BICRAL: variants seen among roughly 807,000 people sequenced by gnomAD.
BICRAL encodes BRD4-interacting chromatin-remodeling complex-associated protein-like.
In BICRAL, 8 loss-of-function variants were observed where a neutral mutation model predicts 91.8. The observed-to-expected ratio is 0.09, with a 90% CI of 0.05 to 0.16. The LOEUF is 0.16. BICRAL is among the 10% of genes least tolerant of loss of function. BICRAL has a pLI of 1.00. For synonymous variants in BICRAL, 445 were observed against 491.1 expected, an observed-to-expected ratio of 0.91 and a Z score of 1.24; for missense variants, 1,038 against 1,310.9, an observed-to-expected ratio of 0.79 and a Z score of 3.21.
intron 1 of BICRAL, among the ~76,000 whole-genome samples, chr6:42,809,932 G>A (rs566789302): frequency 6.6e-6 from 1 of 151,976 alleles, no homozygotes; most frequent in Non-Finnish European, 1.5e-5. Context: ...GATTATAGGC[G>A]TGTGCCACCA....
chr6:42,857,614 A>ATATATAT (rs1554283187), intron 10 of BICRAL, among the ~76,000 whole-genome samples: 74 of 96,184 alleles, frequency 7.7e-4, no homozygotes, highest in Non-Finnish European at 1.2e-3. Context: ...AAAAAAAAAA[A>ATATATAT]ATATATATAT....
intron 1 of BICRAL, among the ~76,000 whole-genome samples, chr6:42,808,148 TA>T (rs1026114142): frequency 1.3e-5 from 2 of 151,284 alleles, no homozygotes; most frequent in East Asian, 3.9e-4. Context: ...TTTTTTTTTT[TA>T]ATACGGAGTT....
intron 1 of BICRAL, among the ~76,000 whole-genome samples, chr6:42,802,794 T>C (rs923053272): frequency 6.6e-6 from 1 of 151,962 alleles, no homozygotes; most frequent in African/African-American, 2.4e-5. Flanking sequence ...TTGCCCAGAC[T>C]GGTCTTGAAC....
chr6:42,783,389 TTC>T (rs1183377875), intron 1 of BICRAL, among the ~76,000 whole-genome samples: 1 of 152,076 alleles, frequency 6.6e-6, no homozygotes, highest in Non-Finnish European at 1.5e-5. Flanking sequence ...CGTTATGCTG[TTC>T]GCGCCCCCCC....
intron 9 of BICRAL, 48 bp from the exon 10 acceptor site, chr6:42,857,043 A>T (rs761007328): frequency 6.6e-7 from 1 of 1,507,960 alleles, no homozygotes; most frequent in South Asian, 1.2e-5. Context: ...ACTAGATTTA[A>T]TTTCCTAACA....
At chr6:42,747,810 T>G (rs113301406) in intron 1 of BICRAL, among the ~76,000 whole-genome samples, 26 of 146,484 alleles carry the variant, frequency 1.8e-4, no homozygotes, top group African/African-American at 4.4e-4. Context: ...ATTTTGTTTT[T>G]TTTTTTTTTT....
intron 2 of BICRAL, among the ~76,000 whole-genome samples, chr6:42,816,347 C>T (rs1763995071): frequency 6.7e-6 from 1 of 149,630 alleles, no homozygotes; most frequent in Admixed American, 6.7e-5. Flanking sequence ...AACCCTGTCT[C>T]TTCAAAAAAA....
intron 1 of BICRAL, among the ~76,000 whole-genome samples, chr6:42,791,497 C>A (rs1255111744): frequency 6.6e-6 from 1 of 152,012 alleles, no homozygotes; most frequent in Non-Finnish European, 1.5e-5. Context: ...CACTTTTTTT[C>A]ATTAGGAGTT....
intron 1 of BICRAL, among the ~76,000 whole-genome samples, chr6:42,789,299 G>A (rs961024530): frequency 1.3e-5 from 2 of 151,894 alleles, no homozygotes; most frequent in African/African-American, 4.8e-5. Flanking sequence ...TCCCAATCCT[G>A]GAAAAAAATG....
intron 2 of BICRAL, among the ~76,000 whole-genome samples, chr6:42,816,112 A>G (rs1763987603): frequency 1.3e-5 from 2 of 151,846 alleles, no homozygotes; most frequent in African/African-American, 2.4e-5. Flanking sequence ...TAATCCCAGC[A>G]CTTTAGGAGA....
In BICRAL at chr6:42,822,949, G is replaced by A. The variant is rs758834669; in HGVS notation, c.105G>A (p.Leu35=). Residue 35 remains leucine (L), a synonymous_variant, in exon 5 of 13, where the codon TTG becomes TTA. Transcript: ENST00000314073. Reference sequence around the variant, plus strand: ...TATCTTTGCAGAGCAATGATGACTTGACTAATGCAGGATATTCTGCAGCCA... The same window carrying A: ...TATCTTTGCAGAGCAATGATGACTTAACTAATGCAGGATATTCTGCAGCCA... ...GPSNKSSNDD[L]TNAGYSAANS... The A allele has an allele frequency of 2.3e-5, 37 of 1,610,790 alleles. No individual in the cohort carries two copies. The highest frequency in any genetic ancestry group is 3.1e-5 in the Non-Finnish European group (36 of 1,177,292).
Position 42,854,503 on chromosome 6 carries a change from G to GTTTTGT in BICRAL, c.2046+787_2046+792dup, listed in dbSNP as rs529768161. On this transcript the variant is annotated intron_variant, in intron 8 of 12. Coordinates refer to ENST00000314073, the MANE Select transcript of BICRAL (RefSeq NM_001393499.1). ...CCTGTCTAGTCCAGCTGGGTTTTTT[G>GTTTTGT]TTTTGTTTTTGTTTTTGTTTTTGTT... is the stretch of plus-strand genomic sequence containing the variant. Among the ~76,000 whole-genome samples, 414 of 151,724 alleles carry GTTTTGT rather than the reference G, an allele frequency of 2.7e-3. 5 individuals are homozygous for GTTTTGT. The highest frequency in any genetic ancestry group is 2.2e-3 in the Non-Finnish European group (146 of 67,778).
chr6:42,768,894 C>T lies in BICRAL; in HGVS notation c.-260-12945C>T, dbSNP rs182984157. On this transcript the variant is annotated intron_variant, in intron 1 of 14. Coordinates refer to the BICRAL transcript ENST00000614467. ...TAATGGCCCAGGTTGGGTCAGATGTCGTTCTCTAAGCAGGCTAAAGATGTG... is the reference window on the plus strand; with the variant it reads ...TAATGGCCCAGGTTGGGTCAGATGTTGTTCTCTAAGCAGGCTAAAGATGTG... 4.2e-4 allele frequency among the ~76,000 whole-genome samples: 64 copies of T among 152,230 alleles called. No individual in the cohort carries two copies. The East Asian group carries it at 5.4e-3, about 13-fold the overall frequency.
At chr6:42,823,714 G>C (rs1764208940) in intron 5 of BICRAL, among the ~76,000 whole-genome samples, 1 of 151,896 alleles carries the variant, frequency 6.6e-6, no homozygotes, top group Admixed American at 6.6e-5. Flanking sequence ...ACGAGGTCAG[G>C]AGTTAAAGAT....
intron 1 of BICRAL, among the ~76,000 whole-genome samples, chr6:42,783,934 G>A (rs1467362587): frequency 6.6e-6 from 1 of 152,126 alleles, no homozygotes; most frequent in Non-Finnish European, 1.5e-5. Context: ...TAATTCTTCA[G>A]TTATTGAAAG....
chr6:42,779,993 T>C (rs532249698), upstream of BICRAL, among the ~76,000 whole-genome samples: 4 of 152,234 alleles, frequency 2.6e-5, no homozygotes, highest in African/African-American at 7.2e-5. Flanking sequence ...CTCCAACTTA[T>C]GGGCTCAAGC....
Position 42,830,071 on chromosome 6 carries a change from C to T in BICRAL, c.1738C>T (p.Pro580Ser), listed in dbSNP as rs774334662. 6.2e-7 allele frequency: 1 copy of T among 1,614,150 alleles called. No individual in the cohort carries two copies. The highest frequency in any genetic ancestry group is 1.7e-5 in the Admixed American group (1 of 60,018). ...GACCCAGCCAAACAGGACTCCAGTA[C>T]CAGTCAGTGTGTCTCATCGTCTTCC... ...QLTQPNRTPV[P>S]VSVSHRLPVS... The change falls in exon 6 of 13, where the codon CCA (proline) becomes TCA (serine). Residue 580 changes from proline (P) to serine (S), a missense_variant. Coordinates refer to ENST00000314073, the MANE Select transcript of BICRAL (RefSeq NM_001393499.1).
intron 6 of BICRAL, among the ~76,000 whole-genome samples, chr6:42,841,033 C>G (rs1191576457): frequency 7.3e-6 from 1 of 137,714 alleles, no homozygotes; most frequent in African/African-American, 2.7e-5. Context: ...CGAGATCATA[C>G]CACTGCACTC....
rs185873941 is a variant in BICRAL, at chr6:42,847,896, G to A, written c.1840-4196G>A. On this transcript the variant is annotated intron_variant, in intron 6 of 12. Transcript: ENST00000314073. ...TGTAATCCCAGCACTTTGGAAGGCC[G>A]AGGCGGGCGGATCATGAGGTCAGGA... Among the ~76,000 whole-genome samples, 57 of 152,264 alleles carry A rather than the reference G, an allele frequency of 3.7e-4. No individual in the cohort carries two copies. The East Asian group carries it at 0.01, about 27-fold the overall frequency.
Sources: gnomAD v4.1 joint callset for allele counts (sites outside exome capture counted in the v4.1 genomes callset) on GRCh38, gnomAD v4.1.1 for gene constraint, MANE v1.5 for transcripts, NCBI Gene and HGNC (gene_info 2026-07-23, HGNC 2026-07-21) for gene names.